Variants in PARD3 observed in about 807,000 individuals in gnomAD.
PARD3 encodes the protein partitioning defective 3 homolog.
PARD3 carries 75 observed loss-of-function variants against 155.4 expected under a neutral mutation model. The ratio of observed to expected loss-of-function variants is 0.48; its 90% CI spans 0.40 to 0.58. The LOEUF is 0.58. Ranked by LOEUF, PARD3 falls within the 20% of genes least tolerant of loss-of-function variation. The pLI, the probability that PARD3 is intolerant of heterozygous loss-of-function variation, is 0.00. For synonymous variants in PARD3, 576 were observed against 610.5 expected (o/e 0.94, Z 0.83); for missense variants, 1,642 against 1,721.7 (o/e 0.95, Z 0.82).
rs547339563 is a variant in PARD3, at chr10:34,317,424, T to A, written c.2834-86A>T. The A allele has an allele frequency of 3.5e-5, 49 of 1,402,162 alleles. 1 individual carries two copies. In the South Asian group the frequency reaches 7.1e-4, roughly 20 times the overall value. 86.9% of individuals were successfully genotyped at this position (1,402,162 alleles called of 1,614,324 possible). A position where few individuals can be genotyped will look rare whatever the true frequency, so the allele number is the denominator to read the frequency against. On this transcript the variant is annotated intron_variant, in intron 19 of 24. Coordinates refer to ENST00000374788, the MANE Select transcript of PARD3 (RefSeq NM_001184785.2). ...CTAAAATACATTCAAGGACTTTACT[T>A]TCCCACACTTTTACTGCAGTATGGC... is the stretch of plus-strand genomic sequence containing the variant.
chr10:34,623,500 G>A (rs1017273654), intron 2 of PARD3, among the ~76,000 whole-genome samples: 34 of 152,188 alleles, frequency 2.2e-4, no homozygotes, highest in Middle Eastern at 3.4e-3. Context: ...AAAACCTCTG[G>A]ATCAGAGTGT....
intron 2 of PARD3, among the ~76,000 whole-genome samples, chr10:34,641,250 A>G (rs548867502): frequency 6.6e-6 from 1 of 152,280 alleles, no homozygotes; most frequent in East Asian, 1.9e-4. Context: ...ACACACACCC[A>G]AGGAGGCCAA....
intron 1 of PARD3, among the ~76,000 whole-genome samples, chr10:34,699,968 C>A (rs2094243703): frequency 6.6e-6 from 1 of 152,134 alleles, no homozygotes; most frequent in Admixed American, 6.5e-5. Flanking sequence ...GGTGAATAAA[C>A]AAACATGACA....
chr10:34,432,379 G>A (rs1011017902), intron 5 of PARD3, among the ~76,000 whole-genome samples: 8 of 120,250 alleles, frequency 6.7e-5, no homozygotes, highest in Admixed American at 6.4e-4. Context: ...CACACACAGA[G>A]GAGTAAAGGT....
At chr10:34,119,138 A>G (rs1032485518) in intron 24 of PARD3, among the ~76,000 whole-genome samples, 1 of 152,146 alleles carries the variant, frequency 6.6e-6, no homozygotes, top group Non-Finnish European at 1.5e-5. Context: ...TGATGATGGG[A>G]CAGTAAGAGA....
intron 2 of PARD3, among the ~76,000 whole-genome samples, chr10:34,657,348 T>C (rs2093199217): frequency 6.6e-6 from 1 of 152,208 alleles, no homozygotes; most frequent in South Asian, 2.1e-4. Flanking sequence ...ACAATGATGT[T>C]TGTATTGGCC....
At chr10:34,162,522 G>A (rs758997840) in intron 22 of PARD3, among the ~76,000 whole-genome samples, 6 of 152,106 alleles carry the variant, frequency 3.9e-5, no homozygotes, top group Non-Finnish European at 7.4e-5. Flanking sequence ...ACACATATTC[G>A]TGTTATTATA....
At chr10:34,803,178 G>A (rs1342944367) in intron 1 of PARD3, among the ~76,000 whole-genome samples, 1 of 151,072 alleles carries the variant, frequency 6.6e-6, no homozygotes, top group East Asian at 1.9e-4. Flanking sequence ...GACGGACGTT[G>A]CAGTGAGCCG....
intron 2 of PARD3, among the ~76,000 whole-genome samples, chr10:34,638,760 A>C (rs796437443): frequency 3.3e-5 from 5 of 152,278 alleles, no homozygotes; most frequent in African/African-American, 1.2e-4. Flanking sequence ...AGTCCCTTCA[A>C]CCTGTCTGGC....
intron 12 of PARD3, among the ~76,000 whole-genome samples, chr10:34,365,754 A>AT (rs1298333787): frequency 2.0e-5 from 3 of 152,124 alleles, no homozygotes; most frequent in Non-Finnish European, 4.4e-5. Flanking sequence ...CACCTGGCTA[A>AT]TTTTTATGTT....
In PARD3 at chr10:34,186,357, T is replaced by TA. The variant is rs61694192; in HGVS notation, c.3420-54775dup. Among the ~76,000 whole-genome samples, 1,116 of 125,744 alleles carry TA rather than the reference T, an allele frequency of 8.9e-3. 15 individuals carry two copies. The highest frequency in any genetic ancestry group is 0.027 in the African/African-American group (894 of 33,328). The allele number at this position is 125,744 out of a possible 152,430, so 82.5% of individuals were successfully genotyped here. The stretch of plus-strand genomic sequence containing the variant: ...CCTGGGTGACAGAATGAGACCCTCT[T>TA]AAAAAAAAAAAAAAAAAAAGAAACC... On this transcript the variant is annotated intron_variant, in intron 22 of 24. Coordinates refer to ENST00000374788, the MANE Select transcript of PARD3 (RefSeq NM_001184785.2).
chr10:34,529,556 A>C (rs1303367284), intron 2 of PARD3, among the ~76,000 whole-genome samples: 1 of 152,098 alleles, frequency 6.6e-6, no homozygotes, highest in African/African-American at 2.4e-5. Context: ...ATAACTTTTG[A>C]CTCACCAAAA....
intron 21 of PARD3, among the ~76,000 whole-genome samples, chr10:34,275,518 GC>G (rs1401765890): frequency 2.0e-5 from 3 of 152,044 alleles, no homozygotes; most frequent in African/African-American, 7.2e-5. Flanking sequence ...AATTTTAGTG[GC>G]AATTCACAAG....
intron 2 of PARD3, among the ~76,000 whole-genome samples, chr10:34,680,455 G>A (rs988014909): frequency 1.3e-4 from 19 of 151,848 alleles, no homozygotes; most frequent in Non-Finnish European, 2.5e-4. Flanking sequence ...AGCTACTCTG[G>A]AGGATGAGGC....
chr10:34,127,304 A>T (rs1947340852), intron 23 of PARD3, among the ~76,000 whole-genome samples: 1 of 152,154 alleles, frequency 6.6e-6, no homozygotes, highest in Non-Finnish European at 1.5e-5. Context: ...GTTCTCAAAG[A>T]CATATGTCTG....
chr10:34,188,548 T>C lies in PARD3; in HGVS notation c.3420-56965A>G, dbSNP rs79062395. On this transcript the variant is annotated intron_variant, in intron 22 of 24. Coordinates refer to ENST00000374788, the MANE Select transcript of PARD3 (RefSeq NM_001184785.2). Reference sequence around the variant, plus strand: ...CCAACGGTACATGCACATACAAGCTTTACGTACACCGACACATGTGCACAC... The same window carrying C: ...CCAACGGTACATGCACATACAAGCTCTACGTACACCGACACATGTGCACAC... Among the ~76,000 whole-genome samples, 440 of 152,118 alleles carry C rather than the reference T, an allele frequency of 2.9e-3. 5 individuals are homozygous for C. Among genetic ancestry groups the C allele is most frequent in the African/African-American group, 9.7e-3 (401 of 41,488 alleles).
intron 10 of PARD3, among the ~76,000 whole-genome samples, chr10:34,377,226 A>G (rs1358588556): frequency 2.0e-5 from 3 of 152,354 alleles, no homozygotes; most frequent in Middle Eastern, 3.4e-3. Context: ...ATAAATATAA[A>G]GCCATTTAGA....
intron 1 of PARD3, among the ~76,000 whole-genome samples, chr10:34,737,208 T>C (rs902798744): frequency 6.6e-6 from 1 of 152,148 alleles, no homozygotes; most frequent in African/African-American, 2.4e-5. Context: ...GTTGAGCAAA[T>C]AGTCGGTGAG....
At chr10:34,620,377 CTCT>C (rs1176509964) in intron 2 of PARD3, among the ~76,000 whole-genome samples, 1 of 152,188 alleles carries the variant, frequency 6.6e-6, no homozygotes, top group Non-Finnish European at 1.5e-5. Flanking sequence ...GGAAGTGTCT[CTCT>C]TCCTCATTCC....
Sources: allele counts gnomAD v4.1 joint callset (sites outside exome capture counted in the v4.1 genomes callset), GRCh38; gene constraint gnomAD v4.1.1; transcripts MANE v1.5; gene names NCBI Gene and HGNC (gene_info 2026-07-23, HGNC 2026-07-21).